The following GJA8 variants were observed in gnomAD, a reference collection of about 807,000 sequenced individuals.
GJA8 encodes the protein gap junction alpha-8 protein.
Under a neutral mutation model 15.3 loss-of-function variants are expected in GJA8, and 13 were observed. The ratio of observed to expected loss-of-function variants is 0.85; its 90% CI spans 0.55 to 1.35. The LOEUF (loss-of-function observed/expected upper bound fraction) is 1.35, where lower values mean the gene tolerates loss of function less well. Among genes scored for constraint, GJA8 ranks in the 40% most tolerant of loss-of-function variants. The pLI, the probability that GJA8 is intolerant of heterozygous loss-of-function variation, is 0.00. For synonymous variants in GJA8, 304 were observed against 238.7 expected, an observed-to-expected ratio of 1.27 and a Z score of -2.52; for missense variants, 607 against 553.3, an observed-to-expected ratio of 1.10 and a Z score of -0.97.
intron 1 of GJA8, 38 bp from the exon 2 acceptor site, chr1:147,907,907 C>T (rs1193838006): frequency 5.6e-6 from 8 of 1,435,920 alleles, no homozygotes; most frequent in East Asian, 4.5e-5. Context: ...GGTTGCATTG[C>T]GGCCGCTCAG....
chr1:147,907,586 A>G (rs1553242440), intron 1 of GJA8, among the ~76,000 whole-genome samples: 1 of 152,184 alleles, frequency 6.6e-6, no homozygotes, highest in African/African-American at 2.4e-5. Context: ...ATTTAAATCC[A>G]TGTAACCAAG....
chr1:147,914,442 T>C, the GJA8 span, among the ~76,000 whole-genome samples: 1 of 152,194 alleles, frequency 6.6e-6, no homozygotes, highest in Non-Finnish European at 1.5e-5. Context: ...CTAATAGTCG[T>C]GTGTTAGACT....
intron 1 of GJA8, among the ~76,000 whole-genome samples, chr1:147,903,745 C>T (rs185446936): frequency 3.9e-5 from 6 of 152,212 alleles, no homozygotes; most frequent in Admixed American, 6.5e-5. Flanking sequence ...GTTTCCACAA[C>T]CTGTGACCAA....
At chr1:147,909,834 C>T (rs1652032567), downstream of GJA8, among the ~76,000 whole-genome samples, 1 of 152,104 alleles carries the variant, frequency 6.6e-6, no homozygotes, top group Non-Finnish European at 1.5e-5. Context: ...GAAGTGTTAC[C>T]TGGTCTTTCT....
At chr1:147,907,917 G>A (rs1553242491) in intron 1 of GJA8, 28 bp from the exon 2 acceptor site, 1 of 1,534,654 alleles carries the variant, frequency 6.5e-7, no homozygotes, top group Non-Finnish European at 9.0e-7. Context: ...CGGCCGCTCA[G>A]CTCTTGCCTT....
In GJA8 at chr1:147,908,683, C is replaced by T; in HGVS notation, c.728C>T (p.Pro243Leu). ...RSALKRPVEQ[P>L]LGEIPEKSLH... ...GCCTTGAAGAGGCCTGTAGAGCAGC[C>T]CCTGGGGGAGATTCCTGAGAAATCC... The change falls in exon 2 of 2, where the codon CCC (proline) becomes CTC (leucine). Residue 243 changes from proline to leucine, a missense_variant. Pro to Leu is a moderately conservative substitution (Grantham distance 98). Transcript: ENST00000369235. 6.2e-7 allele frequency: 1 copy of T among 1,614,126 alleles called. No individual in the cohort carries two copies. Among genetic ancestry groups the T allele is most frequent in the Non-Finnish European group, 8.5e-7 (1 of 1,180,016 alleles).
At chr1:147,910,933 CCCT>C (rs1207265200), downstream of GJA8, among the ~76,000 whole-genome samples, 1 of 152,186 alleles carries the variant, frequency 6.6e-6, no homozygotes, top group African/African-American at 2.4e-5. Flanking sequence ...CCACAACTCA[CCCT>C]CCTCAAACAC....
chr1:147,908,678 G>A lies in GJA8; in HGVS notation c.723G>A (p.Glu241=), dbSNP rs782533550. The change falls in exon 2 of 2, where the codon GAG becomes GAA. Residue 241 remains glutamate, a synonymous_variant. Transcript: ENST00000369235. ...GGTCTGCCTTGAAGAGGCCTGTAGAGCAGCCCCTGGGGGAGATTCCTGAGA... is the reference window on the plus strand; with the variant it reads ...GGTCTGCCTTGAAGAGGCCTGTAGAACAGCCCCTGGGGGAGATTCCTGAGA... The part of the protein sequence containing the change: ...GIRSALKRPV[E]QPLGEIPEKS... The A allele has an allele frequency of 6.2e-7, 1 of 1,614,158 alleles. No individual in the cohort carries two copies. Among genetic ancestry groups the A allele is most frequent in the Non-Finnish European group, 8.5e-7 (1 of 1,180,022 alleles).
At chr1:147,903,910 G>C (rs1422401310) in intron 1 of GJA8, among the ~76,000 whole-genome samples, 1 of 148,806 alleles carries the variant, frequency 6.7e-6, no homozygotes, top group Non-Finnish European at 1.5e-5. Context: ...ATAGACTGTA[G>C]TTGTAGTTAG....
chr1:147,903,807 T>C (rs1028216356), intron 1 of GJA8, among the ~76,000 whole-genome samples: 10 of 152,194 alleles, frequency 6.6e-5, no homozygotes, highest in Non-Finnish European at 1.3e-4. Context: ...CCAAGTTAAG[T>C]GTGTTCAATT....
chr1:147,908,423 C>T lies in GJA8; in HGVS notation c.468C>T (p.Ile156=), dbSNP rs1553242703. ...TLLRTYICHI[I]FKTLFEVGFI... is the part of the protein sequence containing the mutation. ...TGAGGACCTACATCTGCCACATCAT[C>T]TTCAAGACCCTCTTTGAAGTGGGCT... Residue 156 remains isoleucine, a synonymous_variant, in exon 2 of 2, where the codon ATC becomes ATT. Coordinates refer to ENST00000369235, the MANE Select transcript of GJA8 (RefSeq NM_005267.5). The T allele has an allele frequency of 8.7e-6, 14 of 1,614,110 alleles. No homozygotes were observed. In the East Asian group the frequency reaches 1.8e-4, roughly 21 times the overall value.
intron 1 of GJA8, among the ~76,000 whole-genome samples, chr1:147,904,610 G>C (rs188866867): frequency 6.6e-6 from 1 of 152,302 alleles, no homozygotes; most frequent in East Asian, 1.9e-4. Context: ...AAAGAGAAGA[G>C]AAATAGTCTT....
In GJA8 at chr1:147,908,777, CGTT is replaced by C; in HGVS notation, c.823_825del (p.Val275del). 1 of 1,614,090 alleles carries C rather than the reference CGTT, an allele frequency of 6.2e-7. No individual in the cohort carries two copies. Among genetic ancestry groups the C allele is most frequent in the Non-Finnish European group, 8.5e-7 (1 of 1,179,960 alleles). The stretch of plus-strand genomic sequence containing the variant: ...ATCAGCTCCTAGAAGAAGAGAAAAT[CGTT>C]TCCCACTATTTCCCCTTGACCGAGG... On this transcript the variant is annotated inframe_deletion, in exon 2 of 2. Coordinates refer to ENST00000369235, the MANE Select transcript of GJA8 (RefSeq NM_005267.5).
At chr1:147,904,622 C>T (rs1651721149) in intron 1 of GJA8, among the ~76,000 whole-genome samples, 3 of 152,088 alleles carry the variant, frequency 2.0e-5, no homozygotes, top group Non-Finnish European at 4.4e-5. Context: ...AATAGTCTTC[C>T]TTTGGTTCAG....
rs864309688 is a variant in GJA8 at position 147,908,089 on chromosome 1, G to C, written c.134G>C (p.Trp45Ser). The C allele has an allele frequency of 6.2e-7, 1 of 1,613,946 alleles. No homozygotes were observed. The highest frequency in any genetic ancestry group is 8.5e-7 in the Non-Finnish European group (1 of 1,179,972). ...LILGTAAEFV[W>S]GDEQSDFVCN... ...CTTGGCACGGCCGCAGAGTTCGTGT[G>C]GGGGGATGAGCAATCCGACTTCGTG... is the stretch of plus-strand genomic sequence containing the variant. Residue 45 changes from tryptophan (W) to serine (S), a missense_variant, in exon 2 of 2, where the codon TGG becomes TCG. Coordinates refer to ENST00000369235, the MANE Select transcript of GJA8 (RefSeq NM_005267.5).
In GJA8 at chr1:147,909,112, C is replaced by T. The variant is rs149146673; in HGVS notation, c.1157C>T (p.Pro386Leu). ...GVDKEGEKEE[P>L]QSEKVSKQGL... Reference sequence around the variant, plus strand: ...GATAAGGAGGGTGAAAAAGAAGAGCCGCAGTCGGAGAAGGTGTCAAAGCAA... The same window carrying T: ...GATAAGGAGGGTGAAAAAGAAGAGCTGCAGTCGGAGAAGGTGTCAAAGCAA... The change falls in exon 2 of 2, where the codon CCG (proline) becomes CTG (leucine). Residue 386 changes from proline (P) to leucine (L), a missense_variant. Physicochemically the swap from Pro to Leu is moderately conservative, Grantham distance 98. Coordinates refer to ENST00000369235, the MANE Select transcript of GJA8 (RefSeq NM_005267.5). The T allele has an allele frequency of 5.3e-5, 85 of 1,613,696 alleles. No individual in the cohort carries two copies. In the Middle Eastern group the frequency reaches 9.9e-4, roughly 19 times the overall value.
downstream of GJA8, among the ~76,000 whole-genome samples, chr1:147,909,608 T>C (rs1431963081): frequency 1.3e-5 from 2 of 152,330 alleles, no homozygotes; most frequent in East Asian, 3.9e-4. Flanking sequence ...TTACCCATCT[T>C]GTCTCAAGCT....
rs139147420 is a variant in GJA8, at chr1:147,908,928, C to G, written c.973C>G (p.Gln325Glu). 6.2e-7 allele frequency: 1 copy of G among 1,610,664 alleles called. No homozygotes were observed. Among genetic ancestry groups the G allele is most frequent in the Non-Finnish European group, 8.5e-7 (1 of 1,177,682 alleles). Residue 325 changes from glutamine (Q) to glutamate (E), a missense_variant, in exon 2 of 2, where the codon CAG becomes GAG. Coordinates refer to ENST00000369235, the MANE Select transcript of GJA8 (RefSeq NM_005267.5). ...GYQETLPSYA[Q>E]VGAQEVEGEG... ...CCAAGAGACACTGCCTTCCTACGCT[C>G]AGGTGGGGGCACAAGAAGTGGAGGG...
rs1651903044 is a variant in GJA8, at chr1:147,908,384, G to A, written c.429G>A (p.Leu143=). The change falls in exon 2 of 2, where the codon CTG becomes CTA. Residue 143 remains leucine, a synonymous_variant. Transcript: ENST00000369235. ...GCAAAGGCACTAAGAAGTTCCGGCT[G>A]GAGGGGACCCTGCTGAGGACCTACA... ...SGSKGTKKFR[L]EGTLLRTYIC... is the part of the protein sequence containing the mutation. The A allele has an allele frequency of 6.2e-7, 1 of 1,614,202 alleles. No homozygotes were observed. The highest frequency in any genetic ancestry group is 2.2e-5 in the East Asian group (1 of 44,872).
Sources: gnomAD v4.1 joint callset for allele counts (sites outside exome capture counted in the v4.1 genomes callset) on GRCh38, gnomAD v4.1.1 for gene constraint, MANE v1.5 for transcripts, NCBI Gene and HGNC (gene_info 2026-07-23, HGNC 2026-07-21) for gene names.